The following WWOX variants were observed in gnomAD, a reference collection of about 807,000 sequenced individuals.
WWOX encodes the protein WW domain-containing oxidoreductase.
In WWOX, 69 loss-of-function variants were observed where a neutral mutation model predicts 46.2. The ratio of observed to expected loss-of-function variants is 1.49; its 90% confidence interval spans 1.23 to 1.82. WWOX has a LOEUF of 1.82. Ranked by LOEUF, WWOX falls within the 40% of genes most tolerant of loss-of-function variation. WWOX has a pLI of 0.00. For synonymous variants in WWOX, 359 were observed against 202.6 expected (o/e 1.77, Z -6.56); for missense variants, 919 against 542.6 (o/e 1.69, Z -6.89).
intron 8 of WWOX, among the ~76,000 whole-genome samples, chr16:78,434,041 G>T (rs1001562497): frequency 1.3e-5 from 2 of 151,926 alleles, no homozygotes; most frequent in Non-Finnish European, 2.9e-5. Flanking sequence ...CGCCCGCCTC[G>T]GCCTCCCAAA....
intron 5 of WWOX, among the ~76,000 whole-genome samples, chr16:78,372,179 C>CA (rs143725961): frequency 6.6e-6 from 1 of 152,284 alleles, no homozygotes; most frequent in African/African-American, 2.4e-5. Context: ...CACATCTGGA[C>CA]AACAAGTACC....
chr16:79,176,830 T>C (rs2050809542), intron 8 of WWOX, among the ~76,000 whole-genome samples: 1 of 152,130 alleles, frequency 6.6e-6, no homozygotes, highest in Non-Finnish European at 1.5e-5. Context: ...AAAAGAGTAA[T>C]ATAGTAATTC....
chr16:79,092,922 A>T (rs1340585151), intron 8 of WWOX, among the ~76,000 whole-genome samples: 1 of 152,330 alleles, frequency 6.6e-6, no homozygotes, highest in East Asian at 1.9e-4. Context: ...ATGGATGGAC[A>T]TGTGAGTTTT....
At chr16:79,076,902 C>T (rs930828587) in intron 8 of WWOX, among the ~76,000 whole-genome samples, 1 of 152,192 alleles carries the variant, frequency 6.6e-6, no homozygotes, top group South Asian at 2.1e-4. Flanking sequence ...GCGTATTGTC[C>T]TGTTTCATCC....
intron 8 of WWOX, among the ~76,000 whole-genome samples, chr16:79,210,274 T>C (rs532436276): frequency 1.3e-5 from 2 of 152,340 alleles, no homozygotes; most frequent in Admixed American, 6.5e-5. Flanking sequence ...GTCTGCCTTA[T>C]GGCAGATTCT....
At chr16:78,737,857 C>G (rs2049126375) in intron 8 of WWOX, among the ~76,000 whole-genome samples, 1 of 152,120 alleles carries the variant, frequency 6.6e-6, no homozygotes, top group Non-Finnish European at 1.5e-5. Flanking sequence ...TGTCCTTGGG[C>G]CACTTTATTC....
At chr16:78,678,291 G>C (rs537896760) in intron 8 of WWOX, among the ~76,000 whole-genome samples, 2 of 152,152 alleles carry the variant, frequency 1.3e-5, no homozygotes, top group South Asian at 2.1e-4. Context: ...CAGGAGGATC[G>C]CTTGAGCCCA....
intron 8 of WWOX, among the ~76,000 whole-genome samples, chr16:78,644,178 C>T (rs143699212): frequency 0.05 from 7,654 of 152,098 alleles, 275 homozygotes; most frequent in Non-Finnish European, 0.075. Flanking sequence ...GCTGAGATCA[C>T]GCCATTGCAC....
chr16:79,103,197 C>G (rs2049237774), intron 8 of WWOX, among the ~76,000 whole-genome samples: 1 of 152,210 alleles, frequency 6.6e-6, no homozygotes. Flanking sequence ...TAGCCAAGGC[C>G]TTGACCTATT....
chr16:78,820,466 G>T (rs1355729870), intron 8 of WWOX, among the ~76,000 whole-genome samples: 2 of 152,086 alleles, frequency 1.3e-5, no homozygotes, highest in Non-Finnish European at 2.9e-5. Flanking sequence ...TCTTACTGAT[G>T]ATCTGAGAAC....
intron 7 of WWOX, among the ~76,000 whole-genome samples, chr16:78,425,779 CTT>C: frequency 6.6e-6 from 1 of 152,138 alleles, no homozygotes; most frequent in East Asian, 1.9e-4. Context: ...GGAGATTTCT[CTT>C]TCACGTTTGC....
chr16:78,986,255 T>G (rs1030434564), intron 8 of WWOX, among the ~76,000 whole-genome samples: 3 of 152,188 alleles, frequency 2.0e-5, no homozygotes, highest in Admixed American at 2.0e-4. Context: ...TTGAAAATAG[T>G]TAATCAGTTT....
intron 8 of WWOX, among the ~76,000 whole-genome samples, chr16:78,914,128 G>T (rs2045184157): frequency 6.6e-6 from 1 of 151,966 alleles, no homozygotes; most frequent in African/African-American, 2.4e-5. Flanking sequence ...AGTCTTTCCT[G>T]GCTATCCTGT....
At chr16:78,568,194 T>C (rs1440071366) in intron 8 of WWOX, among the ~76,000 whole-genome samples, 2 of 152,136 alleles carry the variant, frequency 1.3e-5, no homozygotes, top group African/African-American at 2.4e-5. Flanking sequence ...TGAAAAACTC[T>C]TCTGAACAAC....
At chr16:78,538,322 C>T (rs1343839900) in intron 8 of WWOX, among the ~76,000 whole-genome samples, 2 of 149,726 alleles carry the variant, frequency 1.3e-5, no homozygotes, top group Non-Finnish European at 3.0e-5. Flanking sequence ...GCTCAGATAG[C>T]AATATCTAGG....
At chr16:78,278,769 A>G (rs2079626177) in intron 5 of WWOX, 10 of 1,010,424 alleles carry the variant, frequency 9.9e-6, no homozygotes, top group East Asian at 2.6e-5. Context: ...TCTGACAGAC[A>G]TGTACGATTT....
chr16:78,217,176 A>G (rs965508478), intron 5 of WWOX, among the ~76,000 whole-genome samples: 1 of 152,160 alleles, frequency 6.6e-6, no homozygotes, highest in African/African-American at 2.4e-5. Context: ...GTCTACCACA[A>G]CGTGAGAGCC....
chr16:78,912,335 C>G (rs1010892198), intron 8 of WWOX, among the ~76,000 whole-genome samples: 1 of 151,966 alleles, frequency 6.6e-6, no homozygotes, highest in African/African-American at 2.4e-5. Flanking sequence ...TTATTTCATC[C>G]TTCCAGCTCT....
At chr16:79,001,854 T>C (rs2047099455) in intron 8 of WWOX, among the ~76,000 whole-genome samples, 1 of 152,152 alleles carries the variant, frequency 6.6e-6, no homozygotes, top group African/African-American at 2.4e-5. Context: ...GGTGTCGCTT[T>C]AGAAAAAGTT....
Sources: gnomAD v4.1 joint callset for allele counts (sites outside exome capture counted in the v4.1 genomes callset) on GRCh38, gnomAD v4.1.1 for gene constraint, MANE v1.5 for transcripts, NCBI Gene and HGNC (gene_info 2026-07-23, HGNC 2026-07-21) for gene names.